The following ZNF17 variants were observed in gnomAD, a reference collection of about 807,000 sequenced individuals.
The protein encoded by ZNF17 is zinc finger protein 17.
ZNF17 carries 4 observed loss-of-function variants against 7.7 expected under a neutral mutation model. The ratio of observed to expected loss-of-function variants is 0.52; its 90% CI spans 0.26 to 1.20. ZNF17 has a LOEUF of 1.20. Ranked by LOEUF, ZNF17 falls within the 50% of genes most tolerant of loss-of-function variation. The probability of loss-of-function intolerance (pLI) is 0.14; values close to 1 mark genes in which losing one functional copy is unlikely to be tolerated. For synonymous variants in ZNF17, 249 were observed against 258.8 expected, an observed-to-expected ratio of 0.96 and a Z score of 0.36; for missense variants, 738 against 799.5, an observed-to-expected ratio of 0.92 and a Z score of 0.93.
rs1255451925 is a variant in ZNF17, at chr19:57,419,695, TGTC to T, written c.210_212del (p.Ser71del). ...TCCAAGCAATGTGTTTCTGTAGGAG[TGTC>T]ACAGGTCACAACTTTAAAGCCAGCT... On this transcript the variant is annotated inframe_deletion, in exon 4 of 4. Transcript: ENST00000307658. 1.2e-6 allele frequency: 2 copies of T among 1,613,900 alleles called. No individual in the cohort carries two copies. Among genetic ancestry groups the T allele is most frequent in the Non-Finnish European group, 1.7e-6 (2 of 1,179,966 alleles).
Position 57,411,302 on chromosome 19 carries a change from C to A in ZNF17, c.-125C>A, listed in dbSNP as rs903496513. The A allele has an allele frequency of 3.2e-6, 5 of 1,544,426 alleles. No individual in the cohort carries two copies. In the Admixed American group the frequency reaches 9.9e-5, roughly 30 times the overall value. On this transcript the variant is annotated 5_prime_UTR_variant, in exon 1 of 4. Coordinates refer to ENST00000307658, the MANE Select transcript of ZNF17 (RefSeq NM_001330617.2). ...AGGCTAGAGTGAGGCTCGGTTGAAT[C>A]GGTTGCAGGCGTTGGTGCCTCTGTC...
chr19:57,416,503 G>GTT (rs35963337), intron 2 of ZNF17, among the ~76,000 whole-genome samples: 2 of 150,912 alleles, frequency 1.3e-5, no homozygotes, highest in East Asian at 2.0e-4. Flanking sequence ...TGTGCCAGGT[G>GTT]TTTTTTTTGT....
Position 57,419,699 on chromosome 19 carries a change from A to T in ZNF17, c.213A>T (p.Ser71=). 1 of 1,614,214 alleles carries T rather than the reference A, an allele frequency of 6.2e-7. No individual in the cohort carries two copies. Among genetic ancestry groups the T allele is most frequent in the South Asian group, 1.1e-5 (1 of 91,084 alleles). Residue 71 remains serine, a synonymous_variant, in exon 4 of 4, where the codon TCA becomes TCT. Transcript: ENST00000307658. ...AGCAATGTGTTTCTGTAGGAGTGTCACAGGTCACAACTTTAAAGCCAGCTT... is the reference window on the plus strand; with the variant it reads ...AGCAATGTGTTTCTGTAGGAGTGTCTCAGGTCACAACTTTAAAGCCAGCTT... The part of the protein sequence containing the change: ...PSKQCVSVGV[S]QVTTLKPALS...
intron 1 of ZNF17, among the ~76,000 whole-genome samples, chr19:57,412,330 C>CCA (rs1444771067): frequency 6.6e-6 from 1 of 152,160 alleles, no homozygotes; most frequent in Non-Finnish European, 1.5e-5. Context: ...TCAAGGGCCT[C>CCA]CAGCAAGCTT....
At position 57,420,660 on chromosome 19, in the gene ZNF17, G is replaced by C; in HGVS notation, c.1174G>C (p.Glu392Gln). 6.2e-7 allele frequency: 1 copy of C among 1,613,414 alleles called. No individual in the cohort carries two copies. Among genetic ancestry groups the C allele is most frequent in the Non-Finnish European group, 8.5e-7 (1 of 1,179,844 alleles). ...TGGAGAAAAACCTTATGAATGCAAC[G>C]AATGTGGGAAATTCTTTAGATACCG... ...HTGEKPYECN[E>Q]CGKFFRYRST... is the part of the protein sequence containing the mutation. The change falls in exon 4 of 4, where the codon GAA becomes CAA. Residue 392 changes from glutamate (E) to glutamine (Q), a missense_variant. Physicochemically the swap from Glu to Gln is conservative, Grantham distance 29. Transcript: ENST00000307658.
intron 3 of ZNF17, 48 bp from the exon 4 acceptor site, chr19:57,419,587 C>G (rs1359445823): frequency 6.4e-7 from 1 of 1,559,128 alleles, no homozygotes; most frequent in East Asian, 2.3e-5. Context: ...ATGGGGCTGC[C>G]TCTTCCCTCC....
intron 3 of ZNF17, chr19:57,419,216 C>T (rs767581085): frequency 6.0e-6 from 1 of 165,822 alleles, no homozygotes; most frequent in Non-Finnish European, 1.3e-5. Context: ...GTAGTGCCCT[C>T]AACATATGAC....
At chr19:57,415,336 G>A (rs1178430454) in intron 2 of ZNF17, among the ~76,000 whole-genome samples, 3 of 152,196 alleles carry the variant, frequency 2.0e-5, no homozygotes, top group Non-Finnish European at 2.9e-5. Context: ...AAATTTTGTA[G>A]TAGGGGGAGT....
intron 3 of ZNF17, among the ~76,000 whole-genome samples, chr19:57,418,375 C>T (rs1230860449): frequency 1.3e-5 from 2 of 152,146 alleles, no homozygotes; most frequent in East Asian, 3.9e-4. Context: ...TTCTTGCTGA[C>T]ATAGGGATAC....
At chr19:57,416,656 C>A (rs1009222020) in intron 2 of ZNF17, among the ~76,000 whole-genome samples, 2 of 151,996 alleles carry the variant, frequency 1.3e-5, no homozygotes, top group Admixed American at 1.3e-4. Context: ...ATTACAGGTG[C>A]CTGCCACCAT....
At position 57,420,653 on chromosome 19, in the gene ZNF17, A is replaced by G; in HGVS notation, c.1167A>G (p.Glu389=). The G allele has an allele frequency of 6.2e-7, 1 of 1,613,176 alleles. No homozygotes were observed. The highest frequency in any genetic ancestry group is 8.5e-7 in the Non-Finnish European group (1 of 1,179,356). Residue 389 remains glutamate (E), a synonymous_variant, in exon 4 of 4, where the codon GAA becomes GAG. Coordinates refer to ENST00000307658, the MANE Select transcript of ZNF17 (RefSeq NM_001330617.2). The part of the protein sequence containing the change: ...QRVHTGEKPY[E]CNECGKFFRY... ...TTCATACTGGAGAAAAACCTTATGA[A>G]TGCAACGAATGTGGGAAATTCTTTA...
chr19:57,419,536 C>G (rs1294166049), intron 3 of ZNF17, 99 bp from the exon 4 acceptor site: 3 of 1,313,756 alleles, frequency 2.3e-6, no homozygotes, highest in Non-Finnish European at 3.1e-6. Context: ...TGTCACCAAT[C>G]CCATGGTCTT....
intron 1 of ZNF17, chr19:57,411,616 G>C: frequency 2.9e-6 from 4 of 1,383,286 alleles, no homozygotes; most frequent in Non-Finnish European, 3.7e-6. Context: ...GGCGGCACTG[G>C]GGAGCCCGAG....
chr19:57,412,761 A>G (rs2088786412), intron 1 of ZNF17, among the ~76,000 whole-genome samples: 1 of 151,608 alleles, frequency 6.6e-6, no homozygotes, highest in African/African-American at 2.4e-5. Context: ...TAAAACATTT[A>G]TTTAACCACT....
intron 2 of ZNF17, among the ~76,000 whole-genome samples, chr19:57,416,761 G>T (rs764476338): frequency 6.6e-6 from 1 of 152,026 alleles, no homozygotes; most frequent in Non-Finnish European, 1.5e-5. Flanking sequence ...ACCTGCCTCA[G>T]CCTCCCAAAG....
In ZNF17 at chr19:57,419,869, C is replaced by T; in HGVS notation, c.383C>T (p.Thr128Ile). 1 of 1,614,176 alleles carries T rather than the reference C, an allele frequency of 6.2e-7. No individual in the cohort carries two copies. Residue 128 changes from threonine (T) to isoleucine (I), a missense_variant, in exon 4 of 4, where the codon ACC (threonine) becomes ATC (isoleucine). Physicochemically the swap from Thr to Ile is moderately conservative, Grantham distance 89 (BLOSUM62 -1). Coordinates refer to ENST00000307658, the MANE Select transcript of ZNF17 (RefSeq NM_001330617.2). ...HQKEHLREKL[T>I]RSDEGRPSFV... ...AAGGAGCATCTTAGAGAGAAGCTCA[C>T]CAGAAGTGATGAAGGGAGGCCTTCG...
chr19:57,413,358 A>C (rs886485982), intron 1 of ZNF17: 1 of 531,248 alleles, frequency 1.9e-6, no homozygotes. Flanking sequence ...AGTGTGTACT[A>C]CTTATATTTG....
Position 57,419,621 on chromosome 19 carries a change from C to T in ZNF17, c.149-14C>T, listed in dbSNP as rs1290599573. 1.3e-6 allele frequency: 2 copies of T among 1,599,574 alleles called. No homozygotes were observed. Among genetic ancestry groups the T allele is most frequent in the Middle Eastern group, 1.7e-4 (1 of 5,988 alleles). On this transcript the variant is annotated splice_polypyrimidine_tract_variant and intron_variant, in intron 3 of 3. Transcript: ENST00000307658. ...CCAAAGTCATCATGCACTTCATGAG[C>T]ATTTCTGTTTTAGGTTGTTGGCATG...
In ZNF17 at chr19:57,421,668, A is replaced by G; in HGVS notation, c.*187A>G. 1 of 628,840 alleles carries G rather than the reference A, an allele frequency of 1.6e-6. No individual in the cohort carries two copies. Among genetic ancestry groups the G allele is most frequent in the Middle Eastern group, 4.4e-4 (1 of 2,296 alleles). 39.0% of individuals were successfully genotyped at this position (628,840 alleles called of 1,614,324 possible). On this transcript the variant is annotated 3_prime_UTR_variant, in exon 4 of 4. Coordinates refer to ENST00000307658, the MANE Select transcript of ZNF17 (RefSeq NM_001330617.2). ...CATTCACATTGTGCAATGAATATCT[A>G]GAAGTCTTTTCAACTTATGAAACTA...
Sources: gnomAD v4.1 joint callset for allele counts (sites outside exome capture counted in the v4.1 genomes callset) on GRCh38, gnomAD v4.1.1 for gene constraint, MANE v1.5 for transcripts, NCBI Gene and HGNC (gene_info 2026-07-23, HGNC 2026-07-21) for gene names.